The following FUT9 variants were observed in gnomAD, a reference collection of about 807,000 sequenced individuals.
FUT9 encodes 4-galactosyl-N-acetylglucosaminide 3-alpha-L-fucosyltransferase 9.
A neutral mutation model predicts 29.7 loss-of-function variants in FUT9; 15 were observed. The observed-to-expected ratio is 0.51, with a 90% CI of 0.34 to 0.78. The LOEUF (loss-of-function observed/expected upper bound fraction) is 0.78. Ranked by LOEUF, FUT9 falls within the 30% of genes least tolerant of loss-of-function variation. FUT9 has a pLI of 0.01. For missense variants in FUT9, 319 were observed against 425.4 expected (o/e 0.75, Z 2.20); for synonymous variants, 169 against 153.7 (o/e 1.10, Z -0.74).
intron 2 of FUT9, among the ~76,000 whole-genome samples, chr6:96,184,812 G>C (rs1001694068): frequency 1.3e-5 from 2 of 152,022 alleles, no homozygotes; most frequent in African/African-American, 4.8e-5. Flanking sequence ...TGTGGTCTGA[G>C]AGAGAAGCAT....
chr6:96,108,584 T>C lies in FUT9; in HGVS notation c.-97-5455T>C, dbSNP rs1001560567. On this transcript the variant is annotated intron_variant, in intron 1 of 2. Coordinates refer to ENST00000302103, the MANE Select transcript of FUT9 (RefSeq NM_006581.4). ...TCAAGCTCTCAGCATGACCCAGGGG[T>C]TCTCCAGCTCACCTTCACTGCCTTG... is the stretch of plus-strand genomic sequence containing the variant. Among the ~76,000 whole-genome samples, 88 of 152,048 alleles carry C rather than the reference T, an allele frequency of 5.8e-4. 1 individual carries two copies. The highest frequency in any genetic ancestry group is 2.0e-3 in the African/African-American group (84 of 41,488).
intron 2 of FUT9, among the ~76,000 whole-genome samples, chr6:96,160,078 C>T (rs998326943): frequency 4.6e-5 from 7 of 152,056 alleles, no homozygotes; most frequent in Non-Finnish European, 7.4e-5. Flanking sequence ...TAAGATAAAA[C>T]GTTTTAGACT....
intron 2 of FUT9, among the ~76,000 whole-genome samples, chr6:96,152,379 A>G (rs114125604): frequency 1.3e-5 from 2 of 152,252 alleles, no homozygotes; most frequent in African/African-American, 4.8e-5. Context: ...AGTACCCCTC[A>G]TAGCACTCCT....
Position 96,066,555 on chromosome 6 carries a change from G to A in FUT9, c.-97-47484G>A, listed in dbSNP as rs562946657. On this transcript the variant is annotated intron_variant, in intron 1 of 2. Coordinates refer to ENST00000302103, the MANE Select transcript of FUT9 (RefSeq NM_006581.4). ...ACTCATAAATTACTGTAAAAAAGAGGCCACTGTTCTCCTAATTTAACATGT... is the reference window on the plus strand; with the variant it reads ...ACTCATAAATTACTGTAAAAAAGAGACCACTGTTCTCCTAATTTAACATGT... Among the ~76,000 whole-genome samples the A allele has an allele frequency of 5.3e-5, 8 of 152,024 alleles. No individual in the cohort carries two copies. The East Asian group carries it at 7.7e-4, about 15-fold the overall frequency.
chr6:96,090,404 A>G (rs1393203839), intron 1 of FUT9, among the ~76,000 whole-genome samples: 1 of 152,038 alleles, frequency 6.6e-6, no homozygotes, highest in East Asian at 1.9e-4. Flanking sequence ...CTTATAGACT[A>G]CAATTTATAT....
At chr6:96,038,758 T>C (rs1421263329) in intron 1 of FUT9, among the ~76,000 whole-genome samples, 1 of 152,148 alleles carries the variant, frequency 6.6e-6, no homozygotes, top group Non-Finnish European at 1.5e-5. Context: ...CTTAATCTAG[T>C]TCTTGTTTAT....
At chr6:96,114,442 AAAG>A (rs1239258346) in intron 2 of FUT9, among the ~76,000 whole-genome samples, 2 of 151,682 alleles carry the variant, frequency 1.3e-5, no homozygotes, top group African/African-American at 4.8e-5. Flanking sequence ...TTCCTAGAAA[AAAG>A]TAAAAAAAAT....
chr6:96,131,067 C>T (rs1042653948), intron 2 of FUT9, among the ~76,000 whole-genome samples: 1 of 152,130 alleles, frequency 6.6e-6, no homozygotes, highest in East Asian at 1.9e-4. Flanking sequence ...GCAGGACCCA[C>T]TACCTGGCTT....
At chr6:96,181,172 G>C (rs931183398) in intron 2 of FUT9, among the ~76,000 whole-genome samples, 20 of 151,980 alleles carry the variant, frequency 1.3e-4, no homozygotes, top group African/African-American at 4.8e-4. Flanking sequence ...TAAACATTAA[G>C]TTAATATAAA....
intron 1 of FUT9, among the ~76,000 whole-genome samples, chr6:96,028,042 T>C (rs1770197152): frequency 6.6e-6 from 1 of 151,608 alleles, no homozygotes; most frequent in African/African-American, 2.4e-5. Context: ...AAGACAGATA[T>C]GTTTTTATGG....
chr6:96,057,008 G>A (rs1250687743), intron 1 of FUT9, among the ~76,000 whole-genome samples: 1 of 152,112 alleles, frequency 6.6e-6, no homozygotes, highest in Non-Finnish European at 1.5e-5. Flanking sequence ...TTATAAAATA[G>A]GCATTGTGTT....
Position 96,133,104 on chromosome 6 carries a change from G to T in FUT9, c.-9+18977G>T, listed in dbSNP as rs1322719155. Among the ~76,000 whole-genome samples, 4 of 151,568 alleles carry T rather than the reference G, an allele frequency of 2.6e-5. No individual in the cohort carries two copies. The East Asian group carries it at 7.7e-4, about 29-fold the overall frequency. On this transcript the variant is annotated intron_variant, in intron 2 of 2. Coordinates refer to ENST00000302103, the MANE Select transcript of FUT9 (RefSeq NM_006581.4). ...CTCATCCCCCTCCCACCCTTTCCCTGGAGTCCCCAGGGCACTTTTTTAAAA... is the reference window on the plus strand; with the variant it reads ...CTCATCCCCCTCCCACCCTTTCCCTTGAGTCCCCAGGGCACTTTTTTAAAA...
At chr6:96,066,960 A>C (rs1050891295) in intron 1 of FUT9, among the ~76,000 whole-genome samples, 5 of 152,002 alleles carry the variant, frequency 3.3e-5, no homozygotes, top group Non-Finnish European at 7.4e-5. Context: ...TGGTTTACCT[A>C]AAAGCTTTAT....
At chr6:96,109,818 A>G (rs565596564) in intron 1 of FUT9, among the ~76,000 whole-genome samples, 119 of 152,114 alleles carry the variant, frequency 7.8e-4, no homozygotes, top group Non-Finnish European at 1.4e-3. Context: ...TATCCATTGC[A>G]CTATAAAGTC....
intron 1 of FUT9, among the ~76,000 whole-genome samples, chr6:96,093,909 T>C (rs1198714317): frequency 6.6e-6 from 1 of 152,078 alleles, no homozygotes; most frequent in Non-Finnish European, 1.5e-5. Context: ...GAGTCAAAAA[T>C]AAAATCCACA....
intron 2 of FUT9, among the ~76,000 whole-genome samples, chr6:96,126,683 A>G (rs543851667): frequency 6.6e-6 from 1 of 152,334 alleles, no homozygotes; most frequent in South Asian, 2.1e-4. Flanking sequence ...GTTGGTCTTT[A>G]TATACACAGG....
At chr6:96,187,379 T>G (rs1179399562) in intron 2 of FUT9, among the ~76,000 whole-genome samples, 1 of 152,150 alleles carries the variant, frequency 6.6e-6, no homozygotes, top group Non-Finnish European at 1.5e-5. Context: ...AACCACTGAA[T>G]TTGGGATTCT....
intron 1 of FUT9, among the ~76,000 whole-genome samples, chr6:96,066,053 C>G (rs1770956655): frequency 6.6e-6 from 1 of 152,076 alleles, no homozygotes; most frequent in African/African-American, 2.4e-5. Flanking sequence ...ATTTCACTTG[C>G]CAGGTATTTG....
At chr6:96,016,667 G>A (rs1405189331) in intron 1 of FUT9, among the ~76,000 whole-genome samples, 1 of 152,158 alleles carries the variant, frequency 6.6e-6, no homozygotes, top group Non-Finnish European at 1.5e-5. Flanking sequence ...CCCAAAGCCT[G>A]GCTCTCGAGC....
Sources: allele counts gnomAD v4.1 joint callset (sites outside exome capture counted in the v4.1 genomes callset), GRCh38; gene constraint gnomAD v4.1.1; transcripts MANE v1.5; gene names NCBI Gene and HGNC (gene_info 2026-07-23, HGNC 2026-07-21).